Variants in KLHL28 observed in about 807,000 individuals in gnomAD.
KLHL28 encodes kelch-like protein 28.
A neutral mutation model predicts 48.3 loss-of-function variants in KLHL28; 22 were observed. That is an observed-to-expected ratio of 0.46 (90% confidence interval 0.33 to 0.65). The LOEUF (loss-of-function observed/expected upper bound fraction) is 0.65, where lower values mean the gene tolerates loss of function less well. Ranked by LOEUF, KLHL28 falls within the 30% of genes least tolerant of loss-of-function variation. KLHL28 has a pLI of 0.03. For synonymous variants in KLHL28, 243 were observed against 242.4 expected, an observed-to-expected ratio of 1.00 and a Z score of -0.02; for missense variants, 527 against 704.3, an observed-to-expected ratio of 0.75 and a Z score of 2.85.
chr14:44,959,371 T>A (rs1884936793), intron 1 of KLHL28: 1 of 152,246 alleles, frequency 6.6e-6, no homozygotes, highest in East Asian at 1.9e-4. Context: ...TAGCAAATAC[T>A]CAAAACATGG....
Position 44,945,215 on chromosome 14 carries a change from A to G in KLHL28, c.714T>C (p.Tyr238=), listed in dbSNP as rs902863741. 2 of 1,614,186 alleles carry G rather than the reference A, an allele frequency of 1.2e-6. No individual in the cohort carries two copies. The highest frequency in any genetic ancestry group is 1.7e-6 in the Non-Finnish European group (2 of 1,180,012). Residue 238 remains tyrosine (Y), a synonymous_variant, in exon 2 of 5, where the codon TAT becomes TAC. Coordinates refer to ENST00000396128, the MANE Select transcript of KLHL28 (RefSeq NM_017658.5). The part of the protein sequence containing the change: ...LLSVKFLTRL[Y]EANHLIRDDR... ...CATCACGAATAAGATGATTTGCTTC[A>G]TATAGTCTAGTGAGAAACTTAACAC...
rs371907788 is a variant in KLHL28, at chr14:44,934,917, T to C, written c.900-359A>G. Among the ~76,000 whole-genome samples, 36 of 152,300 alleles carry C rather than the reference T, an allele frequency of 2.4e-4. No individual in the cohort carries two copies. The East Asian group carries it at 3.5e-3, about 15-fold the overall frequency. ...GCATCTAGATAAATATACACAAATG[T>C]TCACAGAAGCACAACACAATCATCC... is the stretch of plus-strand genomic sequence containing the variant. On this transcript the variant is annotated intron_variant, in intron 2 of 4. Coordinates refer to ENST00000396128, the MANE Select transcript of KLHL28 (RefSeq NM_017658.5).
At chr14:44,934,911 C>G (rs1242532499) in intron 2 of KLHL28, among the ~76,000 whole-genome samples, 1 of 152,130 alleles carries the variant, frequency 6.6e-6, no homozygotes, top group Non-Finnish European at 1.5e-5. Context: ...TAAATATACA[C>G]AAATGTTCAC....
intron 4 of KLHL28, 99 bp from the exon 5 acceptor site, chr14:44,929,290 A>C: frequency 9.5e-7 from 1 of 1,051,992 alleles, no homozygotes; most frequent in Non-Finnish European, 1.3e-6. Flanking sequence ...TTATTAAAAT[A>C]CATTTTAACA....
chr14:44,933,269 A>G (rs1448353014), intron 3 of KLHL28, among the ~76,000 whole-genome samples: 1 of 147,394 alleles, frequency 6.8e-6, no homozygotes, highest in Non-Finnish European at 1.5e-5. Context: ...AACACAAACC[A>G]CTCTAATTAC....
In KLHL28 at chr14:44,945,711, T is replaced by C. The variant is rs761606982; in HGVS notation, c.218A>G (p.Asn73Ser). 2 of 1,614,064 alleles carry C rather than the reference T, an allele frequency of 1.2e-6. No homozygotes were observed. The highest frequency in any genetic ancestry group is 1.3e-5 in the African/African-American group (1 of 74,920). ...AATGCATTGAAACTCAACCTCACTGTTCTCTTTTTCAGAAAGGTTTCCAGT... is the reference window on the plus strand; with the variant it reads ...AATGCATTGAAACTCAACCTCACTGCTCTCTTTTTCAGAAAGGTTTCCAGT... ...MFTGNLSEKE[N>S]SEVEFQCIDE... Residue 73 changes from asparagine (N) to serine (S), a missense_variant, in exon 2 of 5, where the codon AAC becomes AGC. Coordinates refer to ENST00000396128, the MANE Select transcript of KLHL28 (RefSeq NM_017658.5).
chr14:44,960,512 C>T (rs1313409118), intron 1 of KLHL28, among the ~76,000 whole-genome samples: 4 of 152,216 alleles, frequency 2.6e-5, no homozygotes. Context: ...TCATTGACAA[C>T]TGCTACAATC....
At chr14:44,941,647 A>AAG (rs1167411500) in intron 2 of KLHL28, among the ~76,000 whole-genome samples, 2 of 148,836 alleles carry the variant, frequency 1.3e-5, no homozygotes, top group South Asian at 2.1e-4. Context: ...AAAAAAAAAG[A>AAG]AAAAGAAAAA....
chr14:44,947,588 C>T (rs73346308), intron 1 of KLHL28, among the ~76,000 whole-genome samples: 8,171 of 152,050 alleles, frequency 0.054, 552 homozygotes, highest in African/African-American at 0.16. Context: ...ATGGCAATAA[C>T]GAAAAAGTAC....
In KLHL28 at chr14:44,928,970, C is replaced by G; in HGVS notation, c.*58G>C. 6.6e-7 allele frequency: 1 copy of G among 1,520,092 alleles called. No homozygotes were observed. Among genetic ancestry groups the G allele is most frequent in the South Asian group, 1.2e-5 (1 of 84,764 alleles). The allele number at this position is 1,520,092 out of a possible 1,614,324, so 94.2% of individuals were successfully genotyped here. On this transcript the variant is annotated 3_prime_UTR_variant, in exon 5 of 5. Transcript: ENST00000396128. ...TGTGGGTTTCAGAAAACTGGGCCATCCGGATGTTCATGCAGTACAAGTTTC... is the reference window on the plus strand; with the variant it reads ...TGTGGGTTTCAGAAAACTGGGCCATGCGGATGTTCATGCAGTACAAGTTTC...
intron 2 of KLHL28, among the ~76,000 whole-genome samples, chr14:44,935,905 T>TATATATATATATATATATATATATATA (rs1233257500): frequency 1.3e-3 from 155 of 123,542 alleles, no homozygotes; most frequent in Non-Finnish European, 1.8e-3. Flanking sequence ...TATATATATC[T>TATATATATATATATATATATATATATA]TTACCCTCCC....
At position 44,945,195 on chromosome 14, in the gene KLHL28, C is replaced by A; in HGVS notation, c.734G>T (p.Arg245Leu). ...AAGATGTTTACAAGTGCGATCATCACGAATAAGATGATTTGCTTCATATAG... is the reference window on the plus strand; with the variant it reads ...AAGATGTTTACAAGTGCGATCATCAAGAATAAGATGATTTGCTTCATATAG... Reference protein sequence around the residue: ...TRLYEANHLIRDDRTCKHLLN... With the variant: ...TRLYEANHLILDDRTCKHLLN... Residue 245 changes from arginine (R) to leucine (L), a missense_variant, in exon 2 of 5, where the codon CGT becomes CTT. Transcript: ENST00000396128. The A allele has an allele frequency of 6.2e-7, 1 of 1,614,026 alleles. No individual in the cohort carries two copies. Among genetic ancestry groups the A allele is most frequent in the Non-Finnish European group, 8.5e-7 (1 of 1,179,938 alleles).
chr14:44,935,747 A>C (rs942844204), intron 2 of KLHL28, among the ~76,000 whole-genome samples: 1 of 151,190 alleles, frequency 6.6e-6, no homozygotes, highest in Non-Finnish European at 1.5e-5. Context: ...AAGGAGGGGC[A>C]CAGGGGGACT....
At chr14:44,932,274 A>AT (rs1414890882) in intron 3 of KLHL28, among the ~76,000 whole-genome samples, 2 of 148,674 alleles carry the variant, frequency 1.3e-5, no homozygotes, top group African/African-American at 2.5e-5. Flanking sequence ...AAAAACCTTT[A>AT]TTTTTTTTCG....
intron 2 of KLHL28, among the ~76,000 whole-genome samples, chr14:44,936,583 T>A (rs1883831836): frequency 6.6e-6 from 1 of 151,334 alleles, no homozygotes. Context: ...CATGAGGGAG[T>A]GAAAGAATAA....
At chr14:44,942,012 T>A (rs1884120176) in intron 2 of KLHL28, among the ~76,000 whole-genome samples, 1 of 152,250 alleles carries the variant, frequency 6.6e-6, no homozygotes, top group African/African-American at 2.4e-5. Context: ...TACTATATGC[T>A]GATGACCTTC....
chr14:44,948,437 A>G (rs1566574420), intron 1 of KLHL28, among the ~76,000 whole-genome samples: 1 of 152,112 alleles, frequency 6.6e-6, no homozygotes, highest in Admixed American at 6.6e-5. Flanking sequence ...TGAATCTTAA[A>G]TTATATTATT....
intron 1 of KLHL28, among the ~76,000 whole-genome samples, chr14:44,960,567 G>C (rs1446084322): frequency 6.6e-6 from 1 of 152,086 alleles, no homozygotes; most frequent in Non-Finnish European, 1.5e-5. Flanking sequence ...TCCCTAAAAT[G>C]AAACATGCTA....
intron 1 of KLHL28, among the ~76,000 whole-genome samples, chr14:44,948,717 C>T (rs1359672240): frequency 6.6e-6 from 1 of 152,078 alleles, no homozygotes; most frequent in Non-Finnish European, 1.5e-5. Context: ...ATGACTATAG[C>T]TCTATATAAA....
Sources: gnomAD v4.1 joint callset for allele counts (sites outside exome capture counted in the v4.1 genomes callset) on GRCh38, gnomAD v4.1.1 for gene constraint, MANE v1.5 for transcripts, NCBI Gene and HGNC (gene_info 2026-07-23, HGNC 2026-07-21) for gene names.